The following DLG2 variants were observed in gnomAD, a reference collection of about 807,000 sequenced individuals.
The protein encoded by DLG2 is discs large MAGUK scaffold protein 2.
A neutral mutation model predicts 132.5 loss-of-function variants in DLG2; 45 were observed. The observed-to-expected ratio is 0.34, with a 90% CI of 0.27 to 0.44. DLG2 has a LOEUF of 0.44. Among genes scored for constraint, DLG2 ranks in the 20% least tolerant of loss-of-function variants. The probability of loss-of-function intolerance (pLI) is 1.00; values close to 1 mark genes in which losing one functional copy is unlikely to be tolerated. For missense variants in DLG2, 1,045 were observed against 1,196.9 expected (o/e 0.87, Z 1.87); for synonymous variants, 424 against 419.6 (o/e 1.01, Z -0.13).
At chr11:85,243,772 C>T (rs983874309) in intron 4 of DLG2, among the ~76,000 whole-genome samples, 7 of 151,940 alleles carry the variant, frequency 4.6e-5, no homozygotes, top group African/African-American at 1.7e-4. Flanking sequence ...CACAAACCAC[C>T]CGCCCAACCT....
At chr11:85,278,036 C>G (rs2078000186) in intron 4 of DLG2, among the ~76,000 whole-genome samples, 1 of 152,192 alleles carries the variant, frequency 6.6e-6, no homozygotes, top group South Asian at 2.1e-4. Flanking sequence ...GGCTCTCAAG[C>G]AGACAGCTAG....
intron 6 of DLG2, among the ~76,000 whole-genome samples, chr11:84,904,917 A>T (rs1357468844): frequency 6.6e-6 from 1 of 152,084 alleles, no homozygotes; most frequent in Non-Finnish European, 1.5e-5. Flanking sequence ...AACTGGCTTG[A>T]CCTGAATTTT....
intron 11 of DLG2, among the ~76,000 whole-genome samples, chr11:84,032,951 T>G (rs1350413829): frequency 6.6e-6 from 1 of 152,162 alleles, no homozygotes; most frequent in Non-Finnish European, 1.5e-5. Flanking sequence ...TTACTGAATA[T>G]TTTAAGCCTA....
intron 3 of DLG2, among the ~76,000 whole-genome samples, chr11:85,553,480 C>T (rs1199786171): frequency 6.6e-6 from 1 of 150,864 alleles, no homozygotes; most frequent in Non-Finnish European, 1.5e-5. Flanking sequence ...CCATGCCCGG[C>T]TAATCTGTTT....
At chr11:83,617,243 G>A (rs1373966609) in intron 19 of DLG2, among the ~76,000 whole-genome samples, 1 of 152,108 alleles carries the variant, frequency 6.6e-6, no homozygotes, top group Non-Finnish European at 1.5e-5. Flanking sequence ...TATCAGTTTG[G>A]GAGAAATGAA....
intron 18 of DLG2, among the ~76,000 whole-genome samples, chr11:83,680,881 G>C (rs1566502790): frequency 2.0e-5 from 3 of 151,730 alleles, no homozygotes; most frequent in Non-Finnish European, 4.4e-5. Flanking sequence ...AGTCTTTGGT[G>C]AAAAAAATGC....
chr11:85,485,664 A>C (rs1169776862), intron 3 of DLG2, among the ~76,000 whole-genome samples: 1 of 152,106 alleles, frequency 6.6e-6, no homozygotes, highest in African/African-American at 2.4e-5. Flanking sequence ...AGAAACCCCC[A>C]GGGTTCTACA....
intron 3 of DLG2, among the ~76,000 whole-genome samples, chr11:85,501,494 G>A (rs184020727): frequency 2.0e-5 from 3 of 152,216 alleles, no homozygotes; most frequent in East Asian, 1.9e-4. Flanking sequence ...CCTACAGAAC[G>A]GGAGAAAATT....
At chr11:85,021,034 T>G in intron 6 of DLG2, 1 of 772,818 alleles carries the variant, frequency 1.3e-6, no homozygotes, top group Admixed American at 1.7e-5. Flanking sequence ...TTCTGTTCCT[T>G]TTCAATTTCT....
intron 3 of DLG2, among the ~76,000 whole-genome samples, chr11:85,486,148 C>A (rs1565567440): frequency 6.6e-6 from 1 of 150,866 alleles, no homozygotes; most frequent in Non-Finnish European, 1.5e-5. Context: ...TACCCTTGAG[C>A]TGGGCTAGGG....
chr11:84,319,506 A>C (rs1199086704), intron 7 of DLG2, among the ~76,000 whole-genome samples: 1 of 152,160 alleles, frequency 6.6e-6, no homozygotes, highest in Non-Finnish European at 1.5e-5. Context: ...GTTCTCATCC[A>C]TTTGCCTCTC....
intron 15 of DLG2, among the ~76,000 whole-genome samples, chr11:83,912,989 T>C (rs2076325061): frequency 6.6e-6 from 1 of 152,114 alleles, no homozygotes; most frequent in African/African-American, 2.4e-5. Context: ...GAAAGGTTTC[T>C]ATCTCTATTT....
chr11:84,211,305 G>A (rs140953635), intron 8 of DLG2, among the ~76,000 whole-genome samples: 1,668 of 152,256 alleles, frequency 0.011, 43 homozygotes, highest in African/African-American at 0.038. Context: ...TTCAGCCTAG[G>A]TAATTGAGTA....
intron 14 of DLG2, among the ~76,000 whole-genome samples, chr11:83,940,546 T>A (rs937896760): frequency 6.6e-6 from 1 of 152,214 alleles, no homozygotes; most frequent in Non-Finnish European, 1.5e-5. Flanking sequence ...GTGGTAGCGC[T>A]TGGCTTTGAA....
intron 8 of DLG2, among the ~76,000 whole-genome samples, chr11:84,181,795 A>G (rs1291948648): frequency 6.6e-6 from 1 of 152,224 alleles, no homozygotes; most frequent in Non-Finnish European, 1.5e-5. Context: ...GAGGCATTAC[A>G]TAATAATAAA....
intron 3 of DLG2, among the ~76,000 whole-genome samples, chr11:85,512,784 A>T (rs1015910964): frequency 6.6e-6 from 1 of 152,102 alleles, no homozygotes; most frequent in Non-Finnish European, 1.5e-5. Context: ...CAGTGTGGAG[A>T]TTTCTCAAAG....
At chr11:84,653,319 A>C (rs2154546903) in intron 6 of DLG2, among the ~76,000 whole-genome samples, 1 of 152,296 alleles carries the variant, frequency 6.6e-6, no homozygotes, top group South Asian at 2.1e-4. Flanking sequence ...TTCTAACTGA[A>C]GGCTCTTTCA....
intron 3 of DLG2, among the ~76,000 whole-genome samples, chr11:85,581,530 A>G (rs1468002784): frequency 2.0e-5 from 3 of 152,084 alleles, no homozygotes; most frequent in African/African-American, 7.2e-5. Context: ...AGGCAGGGGA[A>G]TTGCTTGAAC....
chr11:84,952,513 T>G (rs1386018959), intron 6 of DLG2, among the ~76,000 whole-genome samples: 1 of 147,636 alleles, frequency 6.8e-6, no homozygotes, highest in Non-Finnish European at 1.5e-5. Context: ...CGAGACTCCG[T>G]CTCAAAAAGA....
Sources: allele counts gnomAD v4.1 joint callset (sites outside exome capture counted in the v4.1 genomes callset), GRCh38; gene constraint gnomAD v4.1.1; transcripts MANE v1.5; gene names NCBI Gene and HGNC (gene_info 2026-07-23, HGNC 2026-07-21).